The following LIMCH1 variants were observed in gnomAD, a reference collection of about 807,000 sequenced individuals.
The protein encoded by LIMCH1 is LIM and calponin homology domains 1.
LIMCH1 carries 113 observed loss-of-function variants against 176.5 expected under a neutral mutation model. That is an observed-to-expected ratio of 0.64 (90% CI 0.55 to 0.75). The LOEUF (loss-of-function observed/expected upper bound fraction) is 0.75, where lower values mean the gene tolerates loss of function less well. Ranked by LOEUF, LIMCH1 falls within the 30% of genes least tolerant of loss-of-function variation. The pLI, the probability that LIMCH1 is intolerant of heterozygous loss-of-function variation, is 0.00. For missense variants in LIMCH1, 1,674 were observed against 1,814.9 expected (o/e 0.92, Z 1.41); for synonymous variants, 619 against 645.9 (o/e 0.96, Z 0.63).
intron 1 of LIMCH1, among the ~76,000 whole-genome samples, chr4:41,578,375 C>T (rs1030265442): frequency 3.3e-5 from 5 of 152,148 alleles, no homozygotes; most frequent in African/African-American, 7.2e-5. Context: ...CCTGGACCCT[C>T]CCTTGACATG....
intron 5 of LIMCH1, 82 bp downstream of exon 5, chr4:41,613,743 A>G (rs1188250923): frequency 3.3e-6 from 4 of 1,212,132 alleles, no homozygotes; most frequent in Non-Finnish European, 4.8e-6. Context: ...AGGGATGGGC[A>G]CTGGGAAAGC....
intron 5 of LIMCH1, among the ~76,000 whole-genome samples, chr4:41,616,290 G>A (rs1251811842): frequency 6.6e-6 from 1 of 152,016 alleles, no homozygotes; most frequent in Non-Finnish European, 1.5e-5. Context: ...CACTTCAGGA[G>A]GCCAAGGTGA....
rs956828094 is a variant in LIMCH1, at chr4:41,679,910, T to C, written c.3520-96T>C. On this transcript the variant is annotated intron_variant, in intron 23 of 31. Coordinates refer to ENST00000503057, the MANE Select transcript of LIMCH1 (RefSeq NM_001330672.2). ...CAGAATCCTAACAAGAAGAAGATAA[T>C]CTTGCAACATATTGTACATGGTGGT... The C allele has an allele frequency of 1.0e-5, 7 of 690,760 alleles. No individual in the cohort carries two copies. In the Admixed American group the frequency reaches 1.1e-4, roughly 11 times the overall value. The allele number at this position is 690,760 out of a possible 1,614,324, so 42.8% of individuals were successfully genotyped here.
At chr4:41,654,480 C>T (rs1041286187) in intron 18 of LIMCH1, among the ~76,000 whole-genome samples, 6 of 152,080 alleles carry the variant, frequency 3.9e-5, no homozygotes, top group Admixed American at 2.0e-4. Flanking sequence ...TTTGACTTAA[C>T]GATGTTTTCA....
rs199752779 is a variant in LIMCH1, at chr4:41,646,827, G to A, written c.2754G>A (p.Val918=). The A allele has an allele frequency of 1.2e-6, 2 of 1,614,144 alleles. No homozygotes were observed. The highest frequency in any genetic ancestry group is 1.7e-6 in the Non-Finnish European group (2 of 1,180,028). ...SPSKTVTPKA[V]PMLTPKPYSQ... ...GCAAAACTGTCACTCCCAAAGCAGT[G>A]CCTATGCTGACACCCAAGCCTTACT... Residue 918 remains valine (V), a synonymous_variant, in exon 17 of 32, where the codon GTG becomes GTA. Transcript: ENST00000503057.
At chr4:41,597,063 G>A (rs1272084931) in intron 1 of LIMCH1, among the ~76,000 whole-genome samples, 1 of 151,714 alleles carries the variant, frequency 6.6e-6, no homozygotes, top group East Asian at 1.9e-4. Context: ...CATAGATCTG[G>A]GTTTTCACTT....
chr4:41,380,249 T>C (rs916391922), intron 1 of LIMCH1, among the ~76,000 whole-genome samples: 4 of 152,230 alleles, frequency 2.6e-5, no homozygotes, highest in Non-Finnish European at 5.9e-5. Context: ...CTGAAAGTTT[T>C]GATTAGTTCT....
rs1716718782 is a variant in LIMCH1, at chr4:41,682,405, G to A, written c.3790G>A (p.Asp1264Asn). 6.2e-7 allele frequency: 1 copy of A among 1,613,212 alleles called. No homozygotes were observed. The highest frequency in any genetic ancestry group is 1.3e-5 in the African/African-American group (1 of 74,880). Residue 1264 changes from aspartate to asparagine, a missense_variant, in exon 26 of 32, where the codon GAC (aspartate) becomes AAC (asparagine). Asp to Asn is a conservative substitution (Grantham distance 23, BLOSUM62 1). Coordinates refer to ENST00000503057, the MANE Select transcript of LIMCH1 (RefSeq NM_001330672.2). Reference sequence around the variant, plus strand: ...ATGGAAGAAATCATTCCAGGGAGATGACAGTGACTTATTGCTGAAGACTAG... The same window carrying A: ...ATGGAAGAAATCATTCCAGGGAGATAACAGTGACTTATTGCTGAAGACTAG... ...RRWKKSFQGD[D>N]SDLLLKTRES... is the part of the protein sequence containing the mutation.
intron 18 of LIMCH1, among the ~76,000 whole-genome samples, chr4:41,651,761 T>C (rs559464702): frequency 6.6e-6 from 1 of 152,338 alleles, no homozygotes; most frequent in South Asian, 2.1e-4. Context: ...ATGTAAAGCA[T>C]CAGAGTACTA....
chr4:41,421,408 A>G (rs2060594937), intron 1 of LIMCH1, among the ~76,000 whole-genome samples: 1 of 152,232 alleles, frequency 6.6e-6, no homozygotes, highest in Non-Finnish European at 1.5e-5. Flanking sequence ...TTCTAAGTCT[A>G]GTAATCTTCC....
At chr4:41,672,338 G>A (rs1398490501) in intron 22 of LIMCH1, among the ~76,000 whole-genome samples, 1 of 151,442 alleles carries the variant, frequency 6.6e-6, no homozygotes, top group Non-Finnish European at 1.5e-5. Context: ...CTACTGCACT[G>A]CAGCCTGGGT....
rs140931286 is a variant in LIMCH1, at chr4:41,412,534, T to C, written c.96+51598T>C. Among the ~76,000 whole-genome samples the C allele has an allele frequency of 2.0e-5, 3 of 152,260 alleles. No individual in the cohort carries two copies. The East Asian group carries it at 5.8e-4, about 29-fold the overall frequency. On this transcript the variant is annotated intron_variant, in intron 1 of 26. Transcript: ENST00000313860. ...TAAAACGTTAATATTTAGGGCAGTATTTAAAAAAAGAATATAGTAATTGGG... is the reference window on the plus strand; with the variant it reads ...TAAAACGTTAATATTTAGGGCAGTACTTAAAAAAAGAATATAGTAATTGGG...
At chr4:41,543,455 A>T (rs1247085163) in intron 1 of LIMCH1, among the ~76,000 whole-genome samples, 3 of 152,150 alleles carry the variant, frequency 2.0e-5, no homozygotes, top group African/African-American at 7.2e-5. Flanking sequence ...CTCAAGTAAG[A>T]CTGTAGGCTG....
At chr4:41,606,118 G>A in intron 4 of LIMCH1, 114 bp downstream of exon 4, 1 of 653,060 alleles carries the variant, frequency 1.5e-6, no homozygotes, top group East Asian at 2.9e-5. Context: ...ATGAGCCAAA[G>A]ATATGCACTC....
At chr4:41,423,805 T>C (rs1307106794) in intron 1 of LIMCH1, among the ~76,000 whole-genome samples, 1 of 152,062 alleles carries the variant, frequency 6.6e-6, no homozygotes, top group Non-Finnish European at 1.5e-5. Flanking sequence ...TATAAAGGTG[T>C]GGAGTTTGGG....
chr4:41,430,181 G>A (rs1313329067), intron 1 of LIMCH1, among the ~76,000 whole-genome samples: 1 of 152,112 alleles, frequency 6.6e-6, no homozygotes, highest in African/African-American at 2.4e-5. Context: ...TATTTTTTGG[G>A]GGAAATAGCT....
intron 1 of LIMCH1, among the ~76,000 whole-genome samples, chr4:41,390,218 C>T (rs1008720679): frequency 6.6e-6 from 1 of 150,800 alleles, no homozygotes; most frequent in Non-Finnish European, 1.5e-5. Context: ...CAATCTTCTG[C>T]TCTACCTGCA....
At chr4:41,467,443 A>G in intron 1 of LIMCH1, among the ~76,000 whole-genome samples, 1 of 152,200 alleles carries the variant, frequency 6.6e-6, no homozygotes, top group African/African-American at 2.4e-5. Context: ...GAGGCCTCAC[A>G]ATCATGGCAG....
At chr4:41,683,348 C>T (rs971630290) in intron 26 of LIMCH1, among the ~76,000 whole-genome samples, 1 of 152,134 alleles carries the variant, frequency 6.6e-6, no homozygotes, top group African/African-American at 2.4e-5. Flanking sequence ...CATACTGGAG[C>T]AGACTCTGGT....
Sources: gnomAD v4.1 joint callset for allele counts (sites outside exome capture counted in the v4.1 genomes callset) on GRCh38, gnomAD v4.1.1 for gene constraint, MANE v1.5 for transcripts, NCBI Gene and HGNC (gene_info 2026-07-23, HGNC 2026-07-21) for gene names.